Variants in MEDAG observed in about 807,000 individuals in gnomAD.
MEDAG encodes mesenteric estrogen dependent adipogenesis, also known as mesenteric estrogen-dependent adipogenesis protein.
A neutral mutation model predicts 29.9 loss-of-function variants in MEDAG; 25 were observed. That is an observed-to-expected ratio of 0.84 (90% CI 0.61 to 1.17). The LOEUF (loss-of-function observed/expected upper bound fraction) is 1.17. Ranked by LOEUF, MEDAG falls within the 50% of genes most tolerant of loss-of-function variation. The pLI is 0.00. For synonymous variants in MEDAG, 158 were observed against 148.2 expected, an observed-to-expected ratio of 1.07 and a Z score of -0.48; for missense variants, 398 against 372.9, an observed-to-expected ratio of 1.07 and a Z score of -0.56.
At chr13:30,920,646 A>G (rs1357658916) in intron 2 of MEDAG, among the ~76,000 whole-genome samples, 1 of 152,076 alleles carries the variant, frequency 6.6e-6, no homozygotes, top group African/African-American at 2.4e-5. Flanking sequence ...AAAACCAGCT[A>G]TCTCGATCTT....
Position 30,917,413 on chromosome 13 carries a change from C to A in MEDAG, c.289C>A (p.Leu97Met). 1 of 1,590,302 alleles carries A rather than the reference C, an allele frequency of 6.3e-7. No homozygotes were observed. Among genetic ancestry groups the A allele is most frequent in the Non-Finnish European group, 8.6e-7 (1 of 1,158,602 alleles). ...TCTGCTTCTTCATAGGTATGTGGAA[C>A]TGACCAACTACTGTGATTATAAAGA... is the stretch of plus-strand genomic sequence containing the variant. ...LSSYIKRYVE[L>M]TNYCDYKDYR... The change falls in exon 2 of 5, where the codon CTG becomes ATG. Residue 97 changes from leucine to methionine, a missense_variant. Coordinates refer to ENST00000380482, the MANE Select transcript of MEDAG (RefSeq NM_032849.4).
At chr13:30,913,606 G>A (rs891485949) in intron 1 of MEDAG, among the ~76,000 whole-genome samples, 65 of 152,156 alleles carry the variant, frequency 4.3e-4, no homozygotes, top group Admixed American at 1.2e-3. Context: ...TGGGGCCAGG[G>A]TAAAGCAATG....
intron 1 of MEDAG, among the ~76,000 whole-genome samples, chr13:30,914,697 A>G (rs1952910865): frequency 6.6e-6 from 1 of 152,168 alleles, no homozygotes; most frequent in East Asian, 1.9e-4. Flanking sequence ...ACCAAATTCC[A>G]GGGAAAACTG....
intron 2 of MEDAG, 52 bp downstream of exon 2, chr13:30,917,564 A>G: frequency 1.0e-6 from 1 of 984,170 alleles, no homozygotes; most frequent in Non-Finnish European, 1.6e-6. Flanking sequence ...AATACCTAAA[A>G]CTGGGTAATT....
At chr13:30,920,267 A>G (rs1046281558) in intron 2 of MEDAG, among the ~76,000 whole-genome samples, 4 of 152,250 alleles carry the variant, frequency 2.6e-5, no homozygotes, top group African/African-American at 9.6e-5. Context: ...GCAAATAAGA[A>G]AGTTTCTGTA....
chr13:30,906,665 G>A lies in MEDAG; in HGVS notation c.150G>A (p.Leu50=). 7 of 1,561,002 alleles carry A rather than the reference G, an allele frequency of 4.5e-6. No individual in the cohort carries two copies. The South Asian group carries it at 8.1e-5, about 18-fold the overall frequency. ...LLRLQPGAFQ[L]SGDQLVVARP... is the part of the protein sequence containing the mutation. ...GCCTGCAGCCCGGTGCCTTCCAGCT[G>A]AGCGGCGACCAGCTCGTGGTGGCCA... is the stretch of plus-strand genomic sequence containing the variant. The change falls in exon 1 of 5, where the codon CTG becomes CTA. Residue 50 remains leucine (L), a synonymous_variant. Coordinates refer to ENST00000380482, the MANE Select transcript of MEDAG (RefSeq NM_032849.4).
Position 30,906,733 on chromosome 13 carries a change from T to C in MEDAG, c.218T>C (p.Phe73Ser). 6.6e-7 allele frequency: 1 copy of C among 1,514,876 alleles called. No homozygotes were observed. Among genetic ancestry groups the C allele is most frequent in the Middle Eastern group, 1.9e-4 (1 of 5,360 alleles). 93.8% of individuals were successfully genotyped at this position (1,514,876 alleles called of 1,614,324 possible). ...PAAARGGFNV[F>S]GDGLVRLDGQ... ...GCGGCGCGGGGGGGCTTCAACGTCT[T>C]CGGTGACGGCCTCGTGCGCCTCGAC... The change falls in exon 1 of 5, where the codon TTC becomes TCC. Residue 73 changes from phenylalanine to serine, a missense_variant. Phe to Ser is a radical substitution (Grantham distance 155). Coordinates refer to ENST00000380482, the MANE Select transcript of MEDAG (RefSeq NM_032849.4).
At chr13:30,914,174 C>A (rs1952906259) in intron 1 of MEDAG, among the ~76,000 whole-genome samples, 6 of 152,176 alleles carry the variant, frequency 3.9e-5, no homozygotes. Flanking sequence ...ACCTTAACAA[C>A]TAAATTCTCC....
intron 4 of MEDAG, chr13:30,922,375 C>T: frequency 6.6e-6 from 1 of 152,014 alleles, no homozygotes; most frequent in Non-Finnish European, 1.5e-5. Context: ...CCTGCCTCAG[C>T]CTCCTGAGTA....
At chr13:30,921,898 G>A in intron 4 of MEDAG, 52 bp downstream of exon 4, 1 of 1,516,102 alleles carries the variant, frequency 6.6e-7, no homozygotes, top group Non-Finnish European at 8.8e-7. Flanking sequence ...TAAAAGGGTA[G>A]AGTAAAATAA....
intron 1 of MEDAG, among the ~76,000 whole-genome samples, chr13:30,911,102 T>C (rs1188640555): frequency 2.0e-5 from 3 of 152,196 alleles, no homozygotes; most frequent in African/African-American, 7.2e-5. Context: ...GAAATTTACT[T>C]ATTGTCCATG....
At chr13:30,909,036 G>A (rs1394242632) in intron 1 of MEDAG, 1 of 145,870 alleles carries the variant, frequency 6.9e-6, no homozygotes, top group Non-Finnish European at 1.5e-5. Context: ...TGGATGGCTT[G>A]AATCTTGGAG....
chr13:30,920,977 A>G, intron 2 of MEDAG, 37 bp from the exon 3 acceptor site: 2 of 1,539,104 alleles, frequency 1.3e-6, no homozygotes, highest in Non-Finnish European at 1.8e-6. Flanking sequence ...TGTCACATGG[A>G]CACACTTGTT....
intron 1 of MEDAG, among the ~76,000 whole-genome samples, chr13:30,912,407 A>G (rs996441219): frequency 5.9e-5 from 9 of 152,092 alleles, no homozygotes; most frequent in Admixed American, 1.3e-4. Context: ...CACAGCAAAG[A>G]ATTATGATGG....
At chr13:30,917,764 G>A (rs1488100985) in intron 2 of MEDAG, among the ~76,000 whole-genome samples, 2 of 151,982 alleles carry the variant, frequency 1.3e-5, no homozygotes, top group Non-Finnish European at 2.9e-5. Context: ...GATCTAGCAA[G>A]AACTCACCCA....
chr13:30,906,341 A>C lies in MEDAG; in HGVS notation c.-175A>C. On this transcript the variant is annotated 5_prime_UTR_variant, in exon 1 of 5. Coordinates refer to ENST00000380482, the MANE Select transcript of MEDAG (RefSeq NM_032849.4). ...TGGGAGGGGCCGCCCGGGCGGTCAG[A>C]CTGGCACCTGAGCGGCCACCGCGTC... is the stretch of plus-strand genomic sequence containing the variant. The C allele has an allele frequency of 1.7e-6, 1 of 575,104 alleles. No homozygotes were observed. The allele number at this position is 575,104 out of a possible 1,614,324, so 35.6% of individuals were successfully genotyped here.
chr13:30,906,549 C>A lies in MEDAG; in HGVS notation c.34C>A (p.Pro12Thr), dbSNP rs748624460. ...GGCGGCCTGCGAGCCGGTGGCCAGG[C>A]CGAGCCTGACCTCCATCTCGTCTGG... ...AGAACEPVAR[P>T]SLTSISSGEL... The change falls in exon 1 of 5, where the codon CCG (proline) becomes ACG (threonine). Residue 12 changes from proline to threonine, a missense_variant. Coordinates refer to ENST00000380482, the MANE Select transcript of MEDAG (RefSeq NM_032849.4). 78 of 1,553,172 alleles carry A rather than the reference C, an allele frequency of 5.0e-5. No homozygotes were observed. Among genetic ancestry groups the A allele is most frequent in the Non-Finnish European group, 6.4e-5 (74 of 1,158,620 alleles).
chr13:30,907,344 A>G (rs1952840698), intron 1 of MEDAG, among the ~76,000 whole-genome samples: 1 of 152,162 alleles, frequency 6.6e-6, no homozygotes, highest in African/African-American at 2.4e-5. Context: ...GTAAACAAAT[A>G]AACCGCAGCT....
chr13:30,907,416 A>G (rs979170566), intron 1 of MEDAG, among the ~76,000 whole-genome samples: 3 of 152,202 alleles, frequency 2.0e-5, no homozygotes, highest in African/African-American at 7.2e-5. Flanking sequence ...GAAGGCACAG[A>G]TAAGTTCTGG....
Sources: gnomAD v4.1 joint callset for allele counts (sites outside exome capture counted in the v4.1 genomes callset) on GRCh38, gnomAD v4.1.1 for gene constraint, MANE v1.5 for transcripts, NCBI Gene and HGNC (gene_info 2026-07-23, HGNC 2026-07-21) for gene names.